Variants in TRAPPC9 observed in about 807,000 individuals in gnomAD.
TRAPPC9 encodes the protein trafficking protein particle complex subunit 9.
TRAPPC9 carries 83 observed loss-of-function variants against 124.0 expected under a neutral mutation model. The ratio of observed to expected loss-of-function variants is 0.67; its 90% CI spans 0.56 to 0.80. TRAPPC9 has a LOEUF of 0.80. Among genes scored for constraint, TRAPPC9 ranks in the 30% least tolerant of loss-of-function variants. TRAPPC9 has a pLI of 0.00. For missense variants in TRAPPC9, 1,302 were observed against 1,508.3 expected (o/e 0.86, Z 2.27); for synonymous variants, 638 against 617.5 (o/e 1.03, Z -0.49).
At chr8:140,101,532 C>CTTTT (rs1234280796) in intron 17 of TRAPPC9, among the ~76,000 whole-genome samples, 829 of 78,660 alleles carry the variant, frequency 0.011, 118 homozygotes, top group East Asian at 0.028. Context: ...GTAGGGTTTT[C>CTTTT]TTTTTTTTGT....
intron 19 of TRAPPC9, 97 bp from the exon 20 acceptor site, chr8:139,910,397 T>G: frequency 8.3e-7 from 1 of 1,199,472 alleles, no homozygotes; most frequent in Admixed American, 1.7e-5. Context: ...GACACTATAA[T>G]GAATCATTAT....
chr8:140,284,010 T>C lies in TRAPPC9; in HGVS notation c.1993A>G (p.Thr665Ala), dbSNP rs1427338307. ...CAGTCACTGAACACACCGAAGACCGTGGTATGGTAACCTGGAATAGAAAAG... is the reference window on the plus strand; with the variant it reads ...CAGTCACTGAACACACCGAAGACCGCGGTATGGTAACCTGGAATAGAAAAG... Reference protein sequence around the residue: ...GTITVNGYHTTVFGVFSDCLL... With the variant: ...GTITVNGYHTAVFGVFSDCLL... The change falls in exon 14 of 23, where the codon ACG becomes GCG. Residue 665 changes from threonine (T) to alanine (A), a missense_variant. By Grantham distance (58) the Thr-to-Ala change is moderately conservative. This residue lies in a region of TRAPPC9 where 640 missense variants were observed against 679.3 expected (regional missense o/e 0.94). Transcript: ENST00000438773. The C allele has an allele frequency of 6.2e-7, 1 of 1,613,954 alleles. No homozygotes were observed.
chr8:140,069,617 CATAAGCCACCAG>C (rs1429516612), intron 17 of TRAPPC9, among the ~76,000 whole-genome samples: 4 of 152,110 alleles, frequency 2.6e-5, no homozygotes, highest in African/African-American at 9.7e-5. Context: ...TTAAATAAAC[CATAAGCCACCAG>C]AAATGTTTCC....
At chr8:140,352,386 G>A (rs965479977) in intron 9 of TRAPPC9, among the ~76,000 whole-genome samples, 2 of 152,238 alleles carry the variant, frequency 1.3e-5, no homozygotes, top group Non-Finnish European at 2.9e-5. Flanking sequence ...TGTTTCGGAA[G>A]TTTAAGATGC....
chr8:139,797,197 TTG>T (rs1823161317), intron 21 of TRAPPC9, among the ~76,000 whole-genome samples: 1 of 152,198 alleles, frequency 6.6e-6, no homozygotes, highest in Admixed American at 6.5e-5. Context: ...ATCCGGTGTG[TTG>T]TCTTTTCACT....
intron 17 of TRAPPC9, among the ~76,000 whole-genome samples, chr8:140,156,727 T>C (rs529431161): frequency 1.3e-5 from 2 of 152,036 alleles, no homozygotes; most frequent in East Asian, 3.9e-4. Context: ...GTTACAACCA[T>C]GAAGAAAAGA....
chr8:140,069,864 G>A (rs1341730646), intron 17 of TRAPPC9, among the ~76,000 whole-genome samples: 1 of 152,178 alleles, frequency 6.6e-6, no homozygotes, highest in Admixed American at 6.5e-5. Context: ...GAGAACCCTC[G>A]AGGCTGCTGC....
At position 140,360,249 on chromosome 8, in the gene TRAPPC9, C is replaced by T. The variant is rs548027377; in HGVS notation, c.1352-56G>A. On this transcript the variant is annotated intron_variant, in intron 8 of 22. Coordinates refer to ENST00000438773, the MANE Select transcript of TRAPPC9 (RefSeq NM_001160372.4). ...GTGCTTGGAGAGGGTACAGGAAATACGGTTAATCTAAGTTGTAAAACTTGG... is the reference window on the plus strand; with the variant it reads ...GTGCTTGGAGAGGGTACAGGAAATATGGTTAATCTAAGTTGTAAAACTTGG... The T allele has an allele frequency of 5.2e-5, 84 of 1,609,402 alleles. No homozygotes were observed. The South Asian group carries it at 7.6e-4, about 15-fold the overall frequency.
intron 19 of TRAPPC9, chr8:139,933,607 C>G (rs903534208): frequency 1.3e-5 from 2 of 152,290 alleles, no homozygotes; most frequent in African/African-American, 4.8e-5. Context: ...ACCGCGTGGC[C>G]CGGTCTTGCC....
chr8:139,854,911 C>T (rs1563865686), intron 21 of TRAPPC9, among the ~76,000 whole-genome samples: 2 of 152,208 alleles, frequency 1.3e-5, no homozygotes, highest in South Asian at 2.1e-4. Flanking sequence ...ATCACCCAAC[C>T]TGGCTACCCC....
At chr8:139,948,036 G>A (rs1834376280) in intron 19 of TRAPPC9, among the ~76,000 whole-genome samples, 1 of 150,328 alleles carries the variant, frequency 6.7e-6, no homozygotes, top group Non-Finnish European at 1.5e-5. Flanking sequence ...CACTTGCATG[G>A]CCGTGGGAAC....
At chr8:140,136,027 C>T (rs2061298081) in intron 17 of TRAPPC9, among the ~76,000 whole-genome samples, 1 of 152,122 alleles carries the variant, frequency 6.6e-6, no homozygotes, top group Non-Finnish European at 1.5e-5. Context: ...TTACAAATTA[C>T]CACATCACAG....
intron 21 of TRAPPC9, among the ~76,000 whole-genome samples, chr8:139,826,618 G>A (rs551772985): frequency 6.6e-6 from 1 of 152,302 alleles, no homozygotes; most frequent in South Asian, 2.1e-4. Flanking sequence ...GGCAGGGCTC[G>A]GCGATGGACA....
At chr8:139,877,804 T>C (rs1829420567) in intron 21 of TRAPPC9, among the ~76,000 whole-genome samples, 1 of 152,320 alleles carries the variant, frequency 6.6e-6, no homozygotes, top group East Asian at 1.9e-4. Context: ...AAACCTCCAC[T>C]AAGTATCTTC....
chr8:139,850,558 G>A (rs928508904), intron 21 of TRAPPC9, among the ~76,000 whole-genome samples: 1 of 152,200 alleles, frequency 6.6e-6, no homozygotes, highest in African/African-American at 2.4e-5. Context: ...ACATGCCAAT[G>A]CATCTGAAAA....
intron 20 of TRAPPC9, among the ~76,000 whole-genome samples, chr8:139,894,295 G>A (rs944585092): frequency 2.0e-5 from 3 of 152,324 alleles, no homozygotes; most frequent in Admixed American, 6.5e-5. Context: ...CCCTCCTTGC[G>A]GGGAGGCCCA....
intron 8 of TRAPPC9, 86 bp from the exon 9 acceptor site, chr8:140,360,279 T>C (rs1372031702): frequency 1.3e-5 from 20 of 1,561,276 alleles, no homozygotes; most frequent in Middle Eastern, 2.0e-4. Context: ...ACTTGGCAAT[T>C]TGAAGACAGA....
chr8:139,731,169 G>T lies in TRAPPC9; in HGVS notation c.3339C>A (p.Asp1113Glu). The change falls in exon 23 of 23, where the codon GAC becomes GAA. Residue 1113 changes from aspartate to glutamate, a missense_variant. Transcript: ENST00000438773. ...CGTGGAACCGGATGTGGAGGAAGAA[G>T]TCTCCCGTGTAGAGGAAGAGGAGGG... ...LGALLFLYTG[D>E]FFLHIRFHED... 1 of 1,613,948 alleles carries T rather than the reference G, an allele frequency of 6.2e-7. No individual in the cohort carries two copies. Among genetic ancestry groups the T allele is most frequent in the Non-Finnish European group, 8.5e-7 (1 of 1,179,986 alleles).
chr8:139,849,761 T>C (rs1370713908), intron 21 of TRAPPC9, among the ~76,000 whole-genome samples: 2 of 152,228 alleles, frequency 1.3e-5, no homozygotes, highest in Non-Finnish European at 2.9e-5. Context: ...AAGATATTAA[T>C]GTCCTCATTT....
Sources: allele counts gnomAD v4.1 joint callset (sites outside exome capture counted in the v4.1 genomes callset), GRCh38; gene constraint gnomAD v4.1.1; regional missense constraint gnomAD v4.1.1; transcripts MANE v1.5; gene names NCBI Gene and HGNC (gene_info 2026-07-23, HGNC 2026-07-21).